The following P3H2 variants were observed in gnomAD, a reference collection of about 807,000 sequenced individuals.
P3H2 encodes leprecan-like 1.
P3H2 carries 80 observed loss-of-function variants against 87.0 expected under a neutral mutation model. The observed-to-expected ratio is 0.92, with a 90% CI of 0.77 to 1.11. P3H2 has a LOEUF of 1.11. P3H2 is among the 50% of genes least tolerant of loss of function. P3H2 has a pLI of 0.00. For missense variants in P3H2, 1,001 were observed against 923.9 expected, an observed-to-expected ratio of 1.08 and a Z score of -1.08; for synonymous variants, 367 against 359.3, an observed-to-expected ratio of 1.02 and a Z score of -0.24.
chr3:190,053,619 G>A (rs1314974207), intron 1 of P3H2, among the ~76,000 whole-genome samples: 7 of 151,620 alleles, frequency 4.6e-5, no homozygotes. Context: ...CACCATGCCC[G>A]GCTAATTTTT....
intron 1 of P3H2, among the ~76,000 whole-genome samples, chr3:190,059,982 G>A (rs751208075): frequency 1.3e-5 from 2 of 152,118 alleles, no homozygotes; most frequent in Admixed American, 6.6e-5. Flanking sequence ...AATTTTTCCA[G>A]GTATCTACCT....
At chr3:190,015,365 T>C (rs1724719175) in intron 1 of P3H2, among the ~76,000 whole-genome samples, 1 of 152,220 alleles carries the variant, frequency 6.6e-6, no homozygotes, top group Non-Finnish European at 1.5e-5. Context: ...ATCTGCTTAA[T>C]CCACTTTAGA....
intron 1 of P3H2, among the ~76,000 whole-genome samples, chr3:190,112,651 A>G (rs1451495386): frequency 1.3e-5 from 2 of 152,260 alleles, no homozygotes; most frequent in Non-Finnish European, 2.9e-5. Context: ...AGAGGAAACG[A>G]TATAGTACAG....
At position 190,000,208 on chromosome 3, in the gene P3H2, A is replaced by G. The variant is rs138455364; in HGVS notation, c.481-4766T>C. On this transcript the variant is annotated intron_variant, in intron 1 of 14. Coordinates refer to ENST00000319332, the MANE Select transcript of P3H2 (RefSeq NM_018192.4). ...ATCACTTCTTCCTCTCTGCCATTATACCAACTCTTTCCAGAGAAACTGAAC... is the reference window on the plus strand; with the variant it reads ...ATCACTTCTTCCTCTCTGCCATTATGCCAACTCTTTCCAGAGAAACTGAAC... Among the ~76,000 whole-genome samples, 449 of 152,316 alleles carry G rather than the reference A, an allele frequency of 2.9e-3. 1 individual carries two copies. Among genetic ancestry groups the G allele is most frequent in the African/African-American group, 0.01 (420 of 41,564 alleles).
In P3H2 at chr3:189,994,135, T is replaced by A. The variant is rs75523528; in HGVS notation, c.782A>T (p.Glu261Val). Residue 261 changes from glutamate to valine, a missense_variant, in exon 3 of 15, where the codon GAG (glutamate) becomes GTG (valine). Physicochemically the swap from Glu to Val is moderately radical, Grantham distance 121. Coordinates refer to ENST00000319332, the MANE Select transcript of P3H2 (RefSeq NM_018192.4). ...CEGPQRFEEY[E>V]YLGYKAGLYE... is the part of the protein sequence containing the mutation. Reference sequence around the variant, plus strand: ...CAGACCAGCCTTATACCCTAAATACTCATATTCTTCAAATCTCTGAGGCCC... The same window carrying A: ...CAGACCAGCCTTATACCCTAAATACACATATTCTTCAAATCTCTGAGGCCC... 357 of 1,613,568 alleles carry A rather than the reference T, an allele frequency of 2.2e-4. 4 individuals are homozygous for A. The East Asian group carries it at 6.5e-3, about 30-fold the overall frequency.
chr3:190,035,125 A>G (rs1417878801), intron 1 of P3H2, among the ~76,000 whole-genome samples: 1 of 151,924 alleles, frequency 6.6e-6, no homozygotes, highest in Non-Finnish European at 1.5e-5. Context: ...CTGAGATTAC[A>G]GGTGTAAGCC....
intron 14 of P3H2, 178 bp downstream of exon 14, chr3:189,963,780 C>T: frequency 2.9e-6 from 2 of 692,610 alleles, no homozygotes; most frequent in Non-Finnish European, 5.1e-6. Flanking sequence ...AGATTAGTGA[C>T]TATCAAATAT....
chr3:189,974,266 T>A, intron 9 of P3H2: 2 of 589,896 alleles, frequency 3.4e-6, no homozygotes, highest in Admixed American at 6.0e-5. Flanking sequence ...GCCTAATAAT[T>A]AATTAAAATA....
chr3:190,070,642 T>C (rs1726669640), intron 1 of P3H2, among the ~76,000 whole-genome samples: 1 of 152,218 alleles, frequency 6.6e-6, no homozygotes, highest in Admixed American at 6.5e-5. Context: ...ACTATCTATA[T>C]GTAGCCAATT....
rs572156286 is a variant in P3H2 at position 189,986,469 on chromosome 3, A to G, written c.1188+319T>C. Reference sequence around the variant, plus strand: ...CTGGGCATTGTGGCGTGTGCCTGTAATCCCAGCTACTCGGGAGGCTGAGGC... The same window carrying G: ...CTGGGCATTGTGGCGTGTGCCTGTAGTCCCAGCTACTCGGGAGGCTGAGGC... On this transcript the variant is annotated intron_variant, in intron 6 of 14. Coordinates refer to ENST00000319332, the MANE Select transcript of P3H2 (RefSeq NM_018192.4). Among the ~76,000 whole-genome samples the G allele has an allele frequency of 7.2e-5, 11 of 152,248 alleles. No homozygotes were observed. The East Asian group carries it at 1.4e-3, about 19-fold the overall frequency.
At chr3:189,996,328 G>A (rs1164141130) in intron 1 of P3H2, among the ~76,000 whole-genome samples, 1 of 152,106 alleles carries the variant, frequency 6.6e-6, no homozygotes, top group Non-Finnish European at 1.5e-5. Context: ...TGAATCTGGA[G>A]GATATTATGT....
intron 3 of P3H2, among the ~76,000 whole-genome samples, chr3:189,990,523 TAGC>T (rs1476741557): frequency 6.6e-6 from 1 of 151,758 alleles, no homozygotes; most frequent in African/African-American, 2.4e-5. Flanking sequence ...CGGATACAAA[TAGC>T]AGCAAAATAG....
chr3:189,966,116 A>G (rs1457034121), intron 13 of P3H2, among the ~76,000 whole-genome samples: 1 of 108,244 alleles, frequency 9.2e-6, no homozygotes, highest in African/African-American at 4.6e-5. Context: ...AAAGAAAGAA[A>G]GAAAGAAAAA....
In P3H2 at chr3:190,052,955, T is replaced by C. The variant is rs567089977; in HGVS notation, c.481-57513A>G. ...AACCGTTGATCTGCTTTCATTTCTA[T>C]AGGTTAGTTTAAATTTTTATAAAAC... On this transcript the variant is annotated intron_variant, in intron 1 of 14. Transcript: ENST00000319332. 5.3e-5 allele frequency among the ~76,000 whole-genome samples: 8 copies of C among 152,316 alleles called. No individual in the cohort carries two copies. In the South Asian group the frequency reaches 1.5e-3, roughly 28 times the overall value.
chr3:190,005,593 G>A (rs1422138187), intron 1 of P3H2, among the ~76,000 whole-genome samples: 1 of 152,156 alleles, frequency 6.6e-6, no homozygotes, highest in Admixed American at 6.5e-5. Flanking sequence ...TGCAAGAAAA[G>A]CAAACAAGTA....
intron 1 of P3H2, among the ~76,000 whole-genome samples, chr3:190,100,601 C>T (rs1196312223): frequency 6.6e-6 from 1 of 152,024 alleles, no homozygotes; most frequent in African/African-American, 2.4e-5. Flanking sequence ...ATTATAAAGC[C>T]CTACAGAGTT....
intron 1 of P3H2, among the ~76,000 whole-genome samples, chr3:190,008,109 T>G (rs530419907): frequency 4.6e-5 from 7 of 151,892 alleles, no homozygotes; most frequent in Non-Finnish European, 1.0e-4. Flanking sequence ...TTCCCTAATA[T>G]ACTTACATGA....
intron 13 of P3H2, among the ~76,000 whole-genome samples, chr3:189,964,621 A>C (rs1322560172): frequency 1.3e-5 from 2 of 152,278 alleles, no homozygotes; most frequent in Admixed American, 6.5e-5. Context: ...TCACAATACA[A>C]ACATTTTTAA....
chr3:189,971,697 T>C (rs1723182884), intron 12 of P3H2, 193 bp downstream of exon 12: 20 of 582,168 alleles, frequency 3.4e-5, no homozygotes, highest in Middle Eastern at 4.7e-4. Context: ...ATGCAAACTG[T>C]GCACAATTTT....
Sources: gnomAD v4.1 joint callset for allele counts (sites outside exome capture counted in the v4.1 genomes callset) on GRCh38, gnomAD v4.1.1 for gene constraint, MANE v1.5 for transcripts, NCBI Gene and HGNC (gene_info 2026-07-23, HGNC 2026-07-21) for gene names.